Variants in CTNNA2 observed in about 807,000 individuals in gnomAD.
CTNNA2 encodes the protein catenin alpha 2.
Under a neutral mutation model 101.0 loss-of-function variants are expected in CTNNA2, and 42 were observed. That is an observed-to-expected ratio of 0.42 (90% CI 0.32 to 0.54). The LOEUF is 0.54. Among genes scored for constraint, CTNNA2 ranks in the 20% least tolerant of loss-of-function variants. The pLI, the probability that CTNNA2 is intolerant of heterozygous loss-of-function variation, is 0.14. For missense variants in CTNNA2, 871 were observed against 1,223.1 expected, an observed-to-expected ratio of 0.71 and a Z score of 4.29; for synonymous variants, 450 against 456.4, an observed-to-expected ratio of 0.99 and a Z score of 0.18.
intron 9 of CTNNA2, among the ~76,000 whole-genome samples, chr2:80,422,439 G>T (rs201465158): frequency 1.4e-5 from 2 of 145,350 alleles, no homozygotes; most frequent in Non-Finnish European, 1.5e-5. Flanking sequence ...CTTATAGTTT[G>T]TTTTTTTTTT....
At chr2:79,611,109 T>C (rs1234035144) in intron 1 of CTNNA2, among the ~76,000 whole-genome samples, 1 of 152,120 alleles carries the variant, frequency 6.6e-6, no homozygotes, top group Non-Finnish European at 1.5e-5. Context: ...GTTGATTAAA[T>C]GCTGGAAATC....
intron 15 of CTNNA2, among the ~76,000 whole-genome samples, chr2:80,591,455 C>CTATTTTTTTTTTTTTTTTTTTTT (rs1553401282): frequency 1.7e-5 from 1 of 57,576 alleles, no homozygotes. Context: ...TCTGCACAGC[C>CTATTTTTTTTTTTTTTTTTTTTT]TGTTTTTTTT....
intron 11 of CTNNA2, among the ~76,000 whole-genome samples, chr2:80,553,010 A>T (rs1329276214): frequency 6.6e-6 from 1 of 151,514 alleles, no homozygotes; most frequent in Non-Finnish European, 1.5e-5. Context: ...TGAGGTCAGG[A>T]GTTCAAGAGC....
At chr2:80,030,033 G>A (rs1382709543) in intron 7 of CTNNA2, among the ~76,000 whole-genome samples, 4 of 151,944 alleles carry the variant, frequency 2.6e-5, no homozygotes, top group Non-Finnish European at 1.5e-5. Flanking sequence ...CACCCAGTTT[G>A]GGGGAAATAA....
intron 2 of CTNNA2, among the ~76,000 whole-genome samples, chr2:79,690,978 A>G (rs1166203344): frequency 6.6e-6 from 1 of 151,610 alleles, no homozygotes; most frequent in Admixed American, 6.6e-5. Flanking sequence ...ATGTAATAAG[A>G]AAAAATACAA....
At chr2:79,941,617 C>T (rs1349021591) in intron 7 of CTNNA2, among the ~76,000 whole-genome samples, 1 of 152,122 alleles carries the variant, frequency 6.6e-6, no homozygotes, top group East Asian at 1.9e-4. Context: ...AGACAGAAAA[C>T]TTATTTTTTC....
intron 1 of CTNNA2, among the ~76,000 whole-genome samples, chr2:79,196,852 T>C (rs1360819652): frequency 6.6e-6 from 1 of 152,184 alleles, no homozygotes; most frequent in Non-Finnish European, 1.5e-5. Context: ...AGCTGTTTTG[T>C]TTTGCAGGAT....
chr2:79,955,417 A>G (rs541834302), intron 7 of CTNNA2, among the ~76,000 whole-genome samples: 4 of 152,346 alleles, frequency 2.6e-5, no homozygotes, highest in African/African-American at 4.8e-5. Flanking sequence ...GATGTGCTTC[A>G]TGATACCCGT....
intron 2 of CTNNA2, among the ~76,000 whole-genome samples, chr2:79,232,849 G>A (rs777293521): frequency 3.3e-5 from 5 of 152,010 alleles, no homozygotes; most frequent in Non-Finnish European, 5.9e-5. Flanking sequence ...AATAATCCCC[G>A]AGGATATTTC....
At chr2:80,072,648 C>CTTGAATGGTA (rs1331474282) in intron 7 of CTNNA2, among the ~76,000 whole-genome samples, 1 of 152,100 alleles carries the variant, frequency 6.6e-6, no homozygotes, top group African/African-American at 2.4e-5. Context: ...ATTCCAATAC[C>CTTGAATGGTA]ATTCAAGGTG....
chr2:80,356,538 G>A (rs563445571), intron 7 of CTNNA2, among the ~76,000 whole-genome samples: 11 of 152,274 alleles, frequency 7.2e-5, no homozygotes, highest in African/African-American at 2.2e-4. Flanking sequence ...CCTGGCAATG[G>A]AGATGTGGGG....
intron 4 of CTNNA2, among the ~76,000 whole-genome samples, chr2:79,496,258 G>T (rs1002183187): frequency 6.6e-6 from 1 of 151,958 alleles, no homozygotes; most frequent in Non-Finnish European, 1.5e-5. Context: ...TTTTAGACTT[G>T]TCATATTTTT....
At chr2:80,629,833 G>C (rs892081260) in intron 18 of CTNNA2, among the ~76,000 whole-genome samples, 2 of 152,104 alleles carry the variant, frequency 1.3e-5, no homozygotes, top group African/African-American at 2.4e-5. Flanking sequence ...TCCTGGAGTG[G>C]GTGGCAAAAT....
At chr2:79,586,485 C>T (rs1276970612) in intron 1 of CTNNA2, among the ~76,000 whole-genome samples, 1 of 151,368 alleles carries the variant, frequency 6.6e-6, no homozygotes, top group African/African-American at 2.4e-5. Flanking sequence ...TTCTACAAAG[C>T]CTTCTTCTTT....
At chr2:79,468,516 G>T (rs1670963120) in intron 4 of CTNNA2, among the ~76,000 whole-genome samples, 1 of 152,130 alleles carries the variant, frequency 6.6e-6, no homozygotes, top group African/African-American at 2.4e-5. Context: ...ACTCAGCTCT[G>T]CACCAAGTGG....
intron 3 of CTNNA2, among the ~76,000 whole-genome samples, chr2:79,339,454 G>A (rs532132298): frequency 2.0e-4 from 31 of 152,280 alleles, no homozygotes; most frequent in African/African-American, 7.2e-4. Context: ...CACTACCAAA[G>A]TCTACTCACA....
chr2:79,899,358 T>G (rs1158787108), intron 6 of CTNNA2, among the ~76,000 whole-genome samples: 1 of 152,162 alleles, frequency 6.6e-6, no homozygotes, highest in East Asian at 1.9e-4. Flanking sequence ...AGCTAGAGAA[T>G]GTGCTCCTGA....
At chr2:79,789,466 G>A (rs1259826869) in intron 3 of CTNNA2, among the ~76,000 whole-genome samples, 1 of 152,014 alleles carries the variant, frequency 6.6e-6, no homozygotes. Flanking sequence ...ATGGCTTATG[G>A]GAAGACAAAT....
At chr2:79,610,821 T>C (rs911359905) in intron 1 of CTNNA2, among the ~76,000 whole-genome samples, 3 of 152,128 alleles carry the variant, frequency 2.0e-5, no homozygotes, top group Non-Finnish European at 4.4e-5. Flanking sequence ...TTCCGCAAAT[T>C]ATCAAATTGT....
Sources: allele counts gnomAD v4.1 joint callset (sites outside exome capture counted in the v4.1 genomes callset), GRCh38; gene constraint gnomAD v4.1.1; transcripts MANE v1.5; gene names NCBI Gene and HGNC (gene_info 2026-07-23, HGNC 2026-07-21).